The following SEMA5A variants were observed in gnomAD, a reference collection of about 807,000 sequenced individuals.
SEMA5A encodes semaphorin-5A.
A neutral mutation model predicts 135.5 loss-of-function variants in SEMA5A; 55 were observed. The observed-to-expected ratio is 0.41, with a 90% CI of 0.33 to 0.51. SEMA5A has a LOEUF of 0.51. Ranked by LOEUF, SEMA5A falls within the 20% of genes least tolerant of loss-of-function variation. The pLI, the probability that SEMA5A is intolerant of heterozygous loss-of-function variation, is 0.37. For missense variants in SEMA5A, 1,290 were observed against 1,419.9 expected (o/e 0.91, Z 1.47); for synonymous variants, 580 against 546.5 (o/e 1.06, Z -0.85).
intron 5 of SEMA5A, among the ~76,000 whole-genome samples, chr5:9,285,760 C>T (rs1245761007): frequency 6.6e-6 from 1 of 152,194 alleles, no homozygotes; most frequent in Non-Finnish European, 1.5e-5. Flanking sequence ...GATGAAAAGC[C>T]CTTTTCAAGC....
At chr5:9,265,515 T>C (rs1187510297) in intron 5 of SEMA5A, 1 of 456,448 alleles carries the variant, frequency 2.2e-6, no homozygotes, top group South Asian at 1.5e-5. Flanking sequence ...TGGCTTTGTG[T>C]GGTGTGTGCG....
At chr5:9,169,491 T>C (rs1356949133) in intron 11 of SEMA5A, among the ~76,000 whole-genome samples, 2 of 152,198 alleles carry the variant, frequency 1.3e-5, no homozygotes, top group Non-Finnish European at 2.9e-5. Context: ...CACCCTTGTT[T>C]AGTACTTACT....
chr5:9,402,979 T>C (rs1756729016), intron 2 of SEMA5A, among the ~76,000 whole-genome samples: 1 of 152,192 alleles, frequency 6.6e-6, no homozygotes, highest in African/African-American at 2.4e-5. Context: ...TCCTGCCTCA[T>C]GGTCCTCTTT....
chr5:9,338,834 A>ATTCC (rs1314649899), intron 3 of SEMA5A, among the ~76,000 whole-genome samples: 251 of 152,254 alleles, frequency 1.6e-3, no homozygotes, highest in African/African-American at 5.6e-3. Context: ...GGCATATGGA[A>ATTCC]ATATGCCCCC....
intron 2 of SEMA5A, among the ~76,000 whole-genome samples, chr5:9,435,801 C>T (rs769266330): frequency 3.3e-5 from 5 of 152,228 alleles, no homozygotes; most frequent in Admixed American, 6.5e-5. Flanking sequence ...GCAGCAGAGA[C>T]TCTATGGCCT....
intron 1 of SEMA5A, among the ~76,000 whole-genome samples, chr5:9,534,442 T>C (rs1369730405): frequency 6.6e-6 from 1 of 152,216 alleles, no homozygotes; most frequent in Admixed American, 6.5e-5. Flanking sequence ...AAAGTCCATG[T>C]GTTACCACCA....
chr5:9,435,968 T>A (rs565589720), intron 2 of SEMA5A, among the ~76,000 whole-genome samples: 1 of 152,340 alleles, frequency 6.6e-6, no homozygotes, highest in South Asian at 2.1e-4. Flanking sequence ...AATATGACTG[T>A]TCTTATTCTA....
chr5:9,059,978 A>C (rs1417399851), intron 18 of SEMA5A, among the ~76,000 whole-genome samples: 1 of 152,230 alleles, frequency 6.6e-6, no homozygotes, highest in East Asian at 1.9e-4. Context: ...GAGTATCCTG[A>C]GTGAGACAGG....
chr5:9,353,261 GAAGCA>G (rs1334172343), intron 3 of SEMA5A, among the ~76,000 whole-genome samples: 1 of 123,710 alleles, frequency 8.1e-6, no homozygotes, highest in Non-Finnish European at 1.6e-5. Context: ...GAAGGGAAGG[GAAGCA>G]AAGGAAAGGA....
In SEMA5A at chr5:9,154,723, A is replaced by G. The variant is rs2150262678; in HGVS notation, c.1274-28T>C. 3.8e-6 allele frequency: 6 copies of G among 1,599,160 alleles called. 1 individual carries two copies. In the Middle Eastern group the frequency reaches 1.0e-3, roughly 265 times the overall value. ...ATGAAGGTCACAGGATGAAAAGGAA[A>G]CAAGGTCAGAGGGTCTCACAAACCA... On this transcript the variant is annotated intron_variant, in intron 11 of 22. Coordinates refer to ENST00000382496, the MANE Select transcript of SEMA5A (RefSeq NM_003966.3).
In SEMA5A at chr5:9,213,950, A is replaced by G. The variant is rs759037017; in HGVS notation, c.646+10724T>C. On this transcript the variant is annotated intron_variant, in intron 8 of 22. Coordinates refer to ENST00000382496, the MANE Select transcript of SEMA5A (RefSeq NM_003966.3). ...GGGGCTCTCGTAAGGTTGGGGCAAGAGACTGACCAAGAGCTCCAGTAGTAT... is the reference window on the plus strand; with the variant it reads ...GGGGCTCTCGTAAGGTTGGGGCAAGGGACTGACCAAGAGCTCCAGTAGTAT... 2.0e-4 allele frequency among the ~76,000 whole-genome samples: 31 copies of G among 152,268 alleles called. No individual in the cohort carries two copies. In the Middle Eastern group the frequency reaches 0.01, roughly 50 times the overall value.
At chr5:9,064,642 C>T (rs1001658322) in intron 17 of SEMA5A, among the ~76,000 whole-genome samples, 15 of 151,948 alleles carry the variant, frequency 9.9e-5, no homozygotes, top group African/African-American at 2.4e-4. Flanking sequence ...CGGGGCCTGT[C>T]GGGGGTAGGG....
At chr5:9,127,850 T>C (rs1239715864) in intron 13 of SEMA5A, among the ~76,000 whole-genome samples, 1 of 152,138 alleles carries the variant, frequency 6.6e-6, no homozygotes, top group Non-Finnish European at 1.5e-5. Flanking sequence ...TAAGAGGTCA[T>C]AAGGAAATCC....
At chr5:9,428,403 G>T (rs542959722) in intron 2 of SEMA5A, among the ~76,000 whole-genome samples, 34 of 152,268 alleles carry the variant, frequency 2.2e-4, no homozygotes, top group Non-Finnish European at 4.1e-4. Flanking sequence ...CTGTAACACT[G>T]ATAGTGTTCA....
At chr5:9,061,581 G>T (rs943170455) in intron 18 of SEMA5A, among the ~76,000 whole-genome samples, 3 of 152,174 alleles carry the variant, frequency 2.0e-5, no homozygotes, top group African/African-American at 7.2e-5. Context: ...TGTTTTAGGT[G>T]CTAGGGACCC....
At chr5:9,043,587 A>G (rs1013806219) in intron 22 of SEMA5A, among the ~76,000 whole-genome samples, 1 of 152,222 alleles carries the variant, frequency 6.6e-6, no homozygotes, top group African/African-American at 2.4e-5. Context: ...AAGAGCTTCA[A>G]CTGAGCCAGG....
At chr5:9,120,854 C>T (rs1579430813) in intron 14 of SEMA5A, among the ~76,000 whole-genome samples, 1 of 151,470 alleles carries the variant, frequency 6.6e-6, no homozygotes, top group East Asian at 2.0e-4. Flanking sequence ...ACTCGGCTCA[C>T]TGTAACCTCC....
chr5:9,210,341 G>A (rs921088365), intron 8 of SEMA5A, among the ~76,000 whole-genome samples: 2 of 152,134 alleles, frequency 1.3e-5, no homozygotes, highest in Admixed American at 1.3e-4. Context: ...TGTTTTCAGA[G>A]CACCGTAAGA....
chr5:9,298,950 A>G (rs1751470667), intron 5 of SEMA5A, among the ~76,000 whole-genome samples: 3 of 152,176 alleles, frequency 2.0e-5, no homozygotes, highest in African/African-American at 4.8e-5. Context: ...ATCAGTCTAG[A>G]TGCATACTTC....
Sources: gnomAD v4.1 joint callset for allele counts (sites outside exome capture counted in the v4.1 genomes callset) on GRCh38, gnomAD v4.1.1 for gene constraint, MANE v1.5 for transcripts, NCBI Gene and HGNC (gene_info 2026-07-23, HGNC 2026-07-21) for gene names.